PDE7B: variants seen among roughly 807,000 people sequenced by gnomAD.
PDE7B encodes phosphodiesterase 7B, also known as 3',5'-cyclic-AMP phosphodiesterase 7B.
Under a neutral mutation model 56.2 loss-of-function variants are expected in PDE7B, and 29 were observed. The observed-to-expected ratio is 0.52, with a 90% confidence interval of 0.38 to 0.70. The LOEUF is 0.70. Among genes scored for constraint, PDE7B ranks in the 30% least tolerant of loss-of-function variants. PDE7B has a pLI of 0.00. For synonymous variants in PDE7B, 197 were observed against 196.9 expected (o/e 1.00, Z 0.00); for missense variants, 490 against 565.0 (o/e 0.87, Z 1.35).
chr6:136,149,053 T>C, intron 4 of PDE7B, 34 bp from the exon 5 acceptor site: 1 of 1,491,024 alleles, frequency 6.7e-7, no homozygotes, highest in Non-Finnish European at 9.4e-7. Flanking sequence ...CCAGTGTGAT[T>C]CATTTGCGTG....
intron 1 of PDE7B, among the ~76,000 whole-genome samples, chr6:135,882,953 T>C (rs1434909351): frequency 6.6e-6 from 1 of 152,226 alleles, no homozygotes; most frequent in East Asian, 1.9e-4. Context: ...ACAAATATAA[T>C]CTCTTTTTTC....
At chr6:135,916,428 T>C (rs1156448741) in intron 1 of PDE7B, among the ~76,000 whole-genome samples, 1 of 146,062 alleles carries the variant, frequency 6.8e-6, no homozygotes, top group Non-Finnish European at 1.5e-5. Flanking sequence ...AGTTTTGCTC[T>C]GTTGCCCAGG....
intron 9 of PDE7B, among the ~76,000 whole-genome samples, chr6:136,176,883 T>C (rs1186942876): frequency 6.6e-6 from 1 of 152,184 alleles, no homozygotes; most frequent in African/African-American, 2.4e-5. Context: ...TAATATCACA[T>C]TGTGGTTTTA....
At chr6:136,104,261 A>C (rs1484542718) in intron 2 of PDE7B, among the ~76,000 whole-genome samples, 1 of 152,226 alleles carries the variant, frequency 6.6e-6, no homozygotes, top group Admixed American at 6.5e-5. Flanking sequence ...GACTGGGGAC[A>C]TGACTCTAGG....
At chr6:135,905,487 A>G (rs558396319) in intron 1 of PDE7B, among the ~76,000 whole-genome samples, 2 of 152,278 alleles carry the variant, frequency 1.3e-5, no homozygotes, top group East Asian at 3.9e-4. Context: ...CTAAATGCTT[A>G]AAACATCCAA....
At chr6:135,953,626 G>A (rs1029750575) in intron 2 of PDE7B, among the ~76,000 whole-genome samples, 1 of 152,004 alleles carries the variant, frequency 6.6e-6, no homozygotes, top group African/African-American at 2.4e-5. Context: ...CTAAGTCCTT[G>A]CACTTCATTT....
intron 1 of PDE7B, among the ~76,000 whole-genome samples, chr6:135,893,536 G>T (rs1033801512): frequency 1.3e-5 from 2 of 152,098 alleles, no homozygotes; most frequent in African/African-American, 4.8e-5. Context: ...AGGATGTGGA[G>T]AAATAGGAAC....
At chr6:135,906,660 C>A (rs1347440514) in intron 1 of PDE7B, among the ~76,000 whole-genome samples, 1 of 152,122 alleles carries the variant, frequency 6.6e-6, no homozygotes, top group South Asian at 2.1e-4. Context: ...ACTTGAAGTT[C>A]TGGATTATAT....
At chr6:136,042,534 T>C (rs1441932295) in intron 2 of PDE7B, among the ~76,000 whole-genome samples, 1 of 152,176 alleles carries the variant, frequency 6.6e-6, no homozygotes, top group Non-Finnish European at 1.5e-5. Context: ...TAGGAAAATA[T>C]AAATACACAC....
chr6:135,978,153 C>A (rs530278079), intron 2 of PDE7B, among the ~76,000 whole-genome samples: 1 of 152,252 alleles, frequency 6.6e-6, no homozygotes, highest in South Asian at 2.1e-4. Flanking sequence ...CGCACCCAGG[C>A]TATGTGCTCT....
In PDE7B at chr6:135,928,503, A is replaced by ATATATATATTTATT. The variant is rs1562442949; in HGVS notation, c.22-18952_22-18951insTTATTTATATATAT. Among the ~76,000 whole-genome samples, 9 of 102,822 alleles carry ATATATATATTTATT rather than the reference A, an allele frequency of 8.8e-5. 1 individual carries two copies. Among genetic ancestry groups the ATATATATATTTATT allele is most frequent in the East Asian group, 8.1e-4 (3 of 3,702 alleles). The allele number at this position is 102,822 out of a possible 152,430, so 67.5% of individuals were successfully genotyped here. A position where few individuals can be genotyped will look rare whatever the true frequency, so the allele number is the denominator to read the frequency against. On this transcript the variant is annotated intron_variant, in intron 1 of 12. Coordinates refer to ENST00000308191, the MANE Select transcript of PDE7B (RefSeq NM_018945.4). ...TATATTTATTTATATATATATATTT[A>ATATATATATTTATT]TATATATATATTTATTTATATATAT...
intron 2 of PDE7B, among the ~76,000 whole-genome samples, chr6:135,947,773 G>C (rs1386642753): frequency 6.6e-6 from 1 of 152,018 alleles, no homozygotes; most frequent in East Asian, 1.9e-4. Flanking sequence ...TGGATCATCA[G>C]CATAACATAG....
chr6:136,184,957 A>C (rs1363399182), intron 11 of PDE7B, among the ~76,000 whole-genome samples: 1 of 152,164 alleles, frequency 6.6e-6, no homozygotes, highest in Non-Finnish European at 1.5e-5. Flanking sequence ...GATGAGATGG[A>C]GGGTGAAGGG....
At chr6:136,037,395 A>C in intron 2 of PDE7B, 2 of 983,842 alleles carry the variant, frequency 2.0e-6, no homozygotes, top group Non-Finnish European at 2.4e-6. Flanking sequence ...AAGGGATTTG[A>C]CTAATAGGTC....
intron 1 of PDE7B, among the ~76,000 whole-genome samples, chr6:135,930,357 G>T (rs1179234639): frequency 6.6e-6 from 1 of 152,148 alleles, no homozygotes; most frequent in Non-Finnish European, 1.5e-5. Context: ...AATGAGATTT[G>T]GGTGGGGACA....
chr6:136,006,233 A>T (rs1396544960), intron 2 of PDE7B, among the ~76,000 whole-genome samples: 3 of 147,714 alleles, frequency 2.0e-5, no homozygotes, highest in Admixed American at 2.0e-4. Flanking sequence ...GAGGGATAGC[A>T]TTAGGAGATA....
At chr6:136,165,993 T>C (rs1047532012) in intron 8 of PDE7B, among the ~76,000 whole-genome samples, 5 of 152,230 alleles carry the variant, frequency 3.3e-5, no homozygotes, top group African/African-American at 1.2e-4. Context: ...AAATGATGAC[T>C]TGGTGTGATC....
intron 2 of PDE7B, among the ~76,000 whole-genome samples, chr6:135,975,482 C>A (rs1348792503): frequency 2.6e-5 from 4 of 151,492 alleles, no homozygotes; most frequent in South Asian, 2.1e-4. Flanking sequence ...GCTCCCAAAT[C>A]CAGCCCTTTC....
chr6:136,044,376 T>C (rs573044728), intron 2 of PDE7B: 1 of 152,278 alleles, frequency 6.6e-6, no homozygotes, highest in South Asian at 2.1e-4. Context: ...AAAAATAAAA[T>C]TATCAGAAGG....
Sources: gnomAD v4.1 joint callset for allele counts (sites outside exome capture counted in the v4.1 genomes callset) on GRCh38, gnomAD v4.1.1 for gene constraint, MANE v1.5 for transcripts, NCBI Gene and HGNC (gene_info 2026-07-23, HGNC 2026-07-21) for gene names.